IGSF21: variants seen among roughly 807,000 people sequenced by gnomAD.
IGSF21 encodes immunoglobulin superfamily member 21.
In IGSF21, 28 loss-of-function variants were observed where a neutral mutation model predicts 46.8. That is an observed-to-expected ratio of 0.60 (90% CI 0.44 to 0.82). The LOEUF (loss-of-function observed/expected upper bound fraction) is 0.82, where lower values mean the gene tolerates loss of function less well. Ranked by LOEUF, IGSF21 falls within the 40% of genes least tolerant of loss-of-function variation. IGSF21 has a pLI of 0.00. For missense variants in IGSF21, 624 were observed against 665.5 expected (o/e 0.94, Z 0.69); for synonymous variants, 284 against 273.6 (o/e 1.04, Z -0.38).
chr1:18,218,125 G>T (rs1404964131), intron 1 of IGSF21, among the ~76,000 whole-genome samples: 5 of 152,194 alleles, frequency 3.3e-5, no homozygotes, highest in African/African-American at 1.2e-4. Flanking sequence ...TTGACTCAAA[G>T]TTCTGCAGGC....
intron 4 of IGSF21, among the ~76,000 whole-genome samples, chr1:18,341,082 C>CTTCCTCTTCCTCTTCTTCTTCTTCTT (rs1557651938): frequency 3.0e-5 from 3 of 98,678 alleles, no homozygotes; most frequent in Non-Finnish European, 3.9e-5. Flanking sequence ...TTCTTCTCCT[C>CTTCCTCTTCCTCTTCTTCTTCTTCTT]CTCCTCCTCC....
intron 1 of IGSF21, among the ~76,000 whole-genome samples, chr1:18,182,303 A>G (rs910968569): frequency 2.0e-5 from 3 of 149,896 alleles, no homozygotes; most frequent in Non-Finnish European, 3.0e-5. Context: ...CAGCCTCCCC[A>G]GTAGCTGGGA....
At chr1:18,281,332 G>T (rs1304251563) in intron 2 of IGSF21, among the ~76,000 whole-genome samples, 1 of 152,050 alleles carries the variant, frequency 6.6e-6, no homozygotes, top group Non-Finnish European at 1.5e-5. Context: ...GGCGAGGTGG[G>T]TGCATCACCC....
At chr1:18,203,729 G>A (rs1226790743) in intron 1 of IGSF21, among the ~76,000 whole-genome samples, 1 of 152,224 alleles carries the variant, frequency 6.6e-6, no homozygotes, top group African/African-American at 2.4e-5. Flanking sequence ...CAGGTGGGGT[G>A]GGGGCGAGGG....
At chr1:18,256,002 G>A (rs1427105573) in intron 2 of IGSF21, among the ~76,000 whole-genome samples, 1 of 152,200 alleles carries the variant, frequency 6.6e-6, no homozygotes, top group African/African-American at 2.4e-5. Flanking sequence ...TCAGGATGGA[G>A]TGCAGCTCTG....
chr1:18,247,669 A>G (rs901739030), intron 2 of IGSF21, among the ~76,000 whole-genome samples: 1 of 152,166 alleles, frequency 6.6e-6, no homozygotes, highest in African/African-American at 2.4e-5. Flanking sequence ...GGGCTGGCAA[A>G]TAATATCAAT....
Position 18,365,236 on chromosome 1 carries a change from G to A in IGSF21, c.554G>A (p.Arg185Gln). 3.1e-6 allele frequency: 5 copies of A among 1,599,422 alleles called. No homozygotes were observed. The highest frequency in any genetic ancestry group is 1.1e-5 in the South Asian group (1 of 90,032). ...TTACAATGGCAGGTTTATTTCAAAC[G>A]AGATGGGGAACCAATCGACGCAGTG... The part of the protein sequence containing the change: ...GKPAPMVYFK[R>Q]DGEPIDAVPL... The change falls in exon 6 of 10, where the codon CGA (arginine) becomes CAA (glutamine). Residue 185 changes from arginine to glutamine, a missense_variant. Physicochemically the swap from Arg to Gln is conservative, Grantham distance 43 (BLOSUM62 1). Transcript: ENST00000251296. The surrounding 1 kb of genome is among the most constrained non-coding windows in gnomAD (Gnocchi z 4.8).
chr1:18,193,904 CT>C (rs1469820153), intron 1 of IGSF21, among the ~76,000 whole-genome samples: 1 of 152,134 alleles, frequency 6.6e-6, no homozygotes, highest in Non-Finnish European at 1.5e-5. Flanking sequence ...GAGTTTCCCC[CT>C]GAGTGTGTGT....
intron 2 of IGSF21, among the ~76,000 whole-genome samples, chr1:18,240,600 T>A (rs2084717862): frequency 6.6e-6 from 1 of 152,160 alleles, no homozygotes; most frequent in Non-Finnish European, 1.5e-5. Context: ...AGAGGATGGA[T>A]GGTTGGATGG....
At chr1:18,209,596 A>T (rs2084368518) in intron 1 of IGSF21, among the ~76,000 whole-genome samples, 2 of 149,026 alleles carry the variant, frequency 1.3e-5, no homozygotes, top group Non-Finnish European at 3.0e-5. Flanking sequence ...CTGGGAATAC[A>T]GGCGCCCGCC....
chr1:18,189,713 G>A (rs2086936943), intron 1 of IGSF21, among the ~76,000 whole-genome samples: 1 of 152,092 alleles, frequency 6.6e-6, no homozygotes, highest in Non-Finnish European at 1.5e-5. Flanking sequence ...AGAATCGAAT[G>A]CCGCTGCTGA....
intron 3 of IGSF21, among the ~76,000 whole-genome samples, chr1:18,326,179 A>T (rs984314105): frequency 6.6e-6 from 1 of 152,238 alleles, no homozygotes; most frequent in African/African-American, 2.4e-5. Context: ...CAGGTGGAGC[A>T]GGCATTCTGC....
At chr1:18,292,419 AG>A (rs1361193376) in intron 3 of IGSF21, among the ~76,000 whole-genome samples, 3 of 152,328 alleles carry the variant, frequency 2.0e-5, no homozygotes, top group Non-Finnish European at 2.9e-5. Flanking sequence ...CAAGGCCATA[AG>A]GGCCCCGAGC....
intron 3 of IGSF21, among the ~76,000 whole-genome samples, chr1:18,305,461 T>C (rs1281604727): frequency 6.8e-6 from 1 of 147,188 alleles, no homozygotes; most frequent in East Asian, 2.1e-4. Context: ...CATGCATGCA[T>C]GGATGACAGA....
intron 5 of IGSF21, among the ~76,000 whole-genome samples, chr1:18,364,759 C>G (rs763504917): frequency 6.6e-6 from 1 of 152,110 alleles, no homozygotes; most frequent in Non-Finnish European, 1.5e-5. Flanking sequence ...TCATCCTCTC[C>G]CAACGTCTCA....
At chr1:18,178,783 C>G (rs1033484076) in intron 1 of IGSF21, among the ~76,000 whole-genome samples, 15 of 152,162 alleles carry the variant, frequency 9.9e-5, no homozygotes, top group African/African-American at 3.4e-4. Flanking sequence ...AGGGTCTGGC[C>G]TCCCAGAGGA....
At chr1:18,210,819 C>T (rs2084384060) in intron 1 of IGSF21, among the ~76,000 whole-genome samples, 1 of 152,140 alleles carries the variant, frequency 6.6e-6, no homozygotes, top group Non-Finnish European at 1.5e-5. Flanking sequence ...GGTCAAAAAT[C>T]ACCCCTGGTT....
intron 1 of IGSF21, among the ~76,000 whole-genome samples, chr1:18,161,154 C>A (rs1421618687): frequency 6.6e-6 from 1 of 152,120 alleles, no homozygotes; most frequent in Non-Finnish European, 1.5e-5. Context: ...CGTGACTCGG[C>A]CCTCTCCCGT....
chr1:18,336,162 T>C (rs531425453), intron 4 of IGSF21, among the ~76,000 whole-genome samples: 166 of 152,248 alleles, frequency 1.1e-3, no homozygotes, highest in African/African-American at 3.9e-3. Flanking sequence ...AAACTTTTTA[T>C]AGGAAAAATG....
Sources: gnomAD v4.1 joint callset for allele counts (sites outside exome capture counted in the v4.1 genomes callset) on GRCh38, gnomAD v4.1.1 for gene constraint, Gnocchi (gnomAD v3.1) non-coding constraint, MANE v1.5 for transcripts, NCBI Gene and HGNC (gene_info 2026-07-23, HGNC 2026-07-21) for gene names.